LAMB4: variants seen among roughly 807,000 people sequenced by gnomAD.
The protein encoded by LAMB4 is laminin subunit beta 4, also known as laminin subunit beta-4.
LAMB4 carries 196 observed loss-of-function variants against 199.2 expected under a neutral mutation model. That is an observed-to-expected ratio of 0.98 (90% CI 0.88 to 1.11). The LOEUF is 1.11. Among genes scored for constraint, LAMB4 ranks in the 50% least tolerant of loss-of-function variants. The pLI is 0.00. For synonymous variants in LAMB4, 744 were observed against 770.6 expected (o/e 0.97, Z 0.57); for missense variants, 2,080 against 2,171.2 (o/e 0.96, Z 0.83).
chr7:108,111,670 T>TA lies in LAMB4; in HGVS notation c.328+140dup. 1.1e-5 allele frequency: 7 copies of TA among 641,442 alleles called. No individual in the cohort carries two copies. The South Asian group carries it at 1.6e-4, about 14-fold the overall frequency. The allele number at this position is 641,442 out of a possible 1,614,324, so 39.7% of individuals were successfully genotyped here. On this transcript the variant is annotated intron_variant, in intron 4 of 33. Coordinates refer to ENST00000388781, the MANE Select transcript of LAMB4 (RefSeq NM_007356.3). The stretch of plus-strand genomic sequence containing the variant: ...AAAATGAAAATAAATTGTATTCTTA[T>TA]ATGGGTCTCTACATTCTTGGAGGAT...
intron 18 of LAMB4, 83 bp downstream of exon 18, chr7:108,069,625 G>T (rs1413727449): frequency 3.8e-6 from 5 of 1,303,572 alleles, no homozygotes. Flanking sequence ...GTTTGGAGTG[G>T]ATGCTAACAT....
chr7:108,020,470 C>CAAAAAAA (rs57432162), downstream of LAMB4, among the ~76,000 whole-genome samples: 4 of 62,916 alleles, frequency 6.4e-5, no homozygotes, highest in Admixed American at 1.8e-4. Context: ...GACTCCATCT[C>CAAAAAAA]AAAAAAAAAA....
intron 10 of LAMB4, among the ~76,000 whole-genome samples, chr7:108,100,948 G>A (rs2037794231): frequency 6.6e-6 from 1 of 152,120 alleles, no homozygotes; most frequent in African/African-American, 2.4e-5. Context: ...TGAGTAATCC[G>A]AGCTAAAACA....
intron 2 of LAMB4, among the ~76,000 whole-genome samples, chr7:108,119,615 G>A (rs944214134): frequency 6.6e-6 from 1 of 152,136 alleles, no homozygotes; most frequent in East Asian, 1.9e-4. Context: ...GGAAGGCAGA[G>A]GGGGAGGGAG....
At chr7:108,091,854 T>C in intron 13 of LAMB4, 78 bp from the exon 14 acceptor site, 1 of 1,422,002 alleles carries the variant, frequency 7.0e-7, no homozygotes, top group Non-Finnish European at 9.7e-7. Context: ...GCTGGGCTAA[T>C]GCTCCCTGAG....
At chr7:108,024,739 A>ATCCATCCATCCATCCATCCATCCG (rs1326505021) in intron 33 of LAMB4, among the ~76,000 whole-genome samples, 1 of 151,896 alleles carries the variant, frequency 6.6e-6, no homozygotes, top group African/African-American at 2.4e-5. Flanking sequence ...CCATCCATCC[A>ATCCATCCATCCATCCATCCATCCG]TCCGTCCGTC....
intron 27 of LAMB4, among the ~76,000 whole-genome samples, chr7:108,048,880 G>A (rs1384503040): frequency 6.6e-6 from 1 of 151,466 alleles, no homozygotes; most frequent in African/African-American, 2.4e-5. Flanking sequence ...TTGTAGAGAC[G>A]GGGTTTCACC....
chr7:108,067,785 C>A (rs2036392805), intron 19 of LAMB4, among the ~76,000 whole-genome samples: 1 of 152,208 alleles, frequency 6.6e-6, no homozygotes, highest in Non-Finnish European at 1.5e-5. Flanking sequence ...ATGCCTTGTT[C>A]ATTACTCTCG....
chr7:108,080,428 T>C (rs9691507), intron 14 of LAMB4, among the ~76,000 whole-genome samples: 2,417 of 152,308 alleles, frequency 0.016, 60 homozygotes, highest in African/African-American at 0.054. Flanking sequence ...ATTCCTCTTC[T>C]TGTTACTTTT....
In LAMB4 at chr7:108,103,078, C is replaced by A. The variant is rs757765055; in HGVS notation, c.1146G>T (p.Pro382=). 6.2e-7 allele frequency: 1 copy of A among 1,609,172 alleles called. No individual in the cohort carries two copies. Among genetic ancestry groups the A allele is most frequent in the Non-Finnish European group, 8.5e-7 (1 of 1,176,424 alleles). ...CGTAGGGATCTGAGATGGTCTTGAG[C>A]GGGTCCCTGTAGAAGAGGGGTCTGC... The part of the protein sequence containing the change: ...DRCRPLFYRD[P]LKTISDPYAC... Residue 382 remains proline, a synonymous_variant, in exon 10 of 34, where the codon CCG becomes CCT. Transcript: ENST00000388781.
rs145383056 is a variant in LAMB4 at position 108,043,844 on chromosome 7, A to T, written c.4379T>A (p.Leu1460Gln). The change falls in exon 29 of 34, where the codon CTG becomes CAG. Residue 1460 changes from leucine (L) to glutamine (Q), a missense_variant. Transcript: ENST00000388781. ...TCTTATATTTCCCAGTTTTTCCCTC[A>T]GCTGTAAGGCATTGTTTTTGGAGAC... is the stretch of plus-strand genomic sequence containing the variant. ...AEVSKNNALQ[L>Q]REKLGNIRNQ... 3 of 1,609,486 alleles carry T rather than the reference A, an allele frequency of 1.9e-6. No individual in the cohort carries two copies. Among genetic ancestry groups the T allele is most frequent in the Non-Finnish European group, 2.5e-6 (3 of 1,178,090 alleles).
chr7:108,024,554 A>G (rs1030395741), intron 33 of LAMB4, among the ~76,000 whole-genome samples: 7 of 152,240 alleles, frequency 4.6e-5, no homozygotes, highest in Non-Finnish European at 7.4e-5. Flanking sequence ...GTGTTTTCCA[A>G]TCTTTCAGAA....
chr7:108,083,317 G>A (rs1408066650), intron 14 of LAMB4, among the ~76,000 whole-genome samples: 3 of 152,160 alleles, frequency 2.0e-5, no homozygotes, highest in African/African-American at 7.2e-5. Context: ...TATATTCTAT[G>A]AAATACCACA....
At chr7:108,033,541 T>C (rs2528695) in intron 31 of LAMB4, among the ~76,000 whole-genome samples, 64,326 of 151,852 alleles carry the variant, frequency 0.42, 16,786 homozygotes, top group African/African-American at 0.75. Context: ...TCCAAGTAGC[T>C]GGGATTATAG....
Position 108,105,915 on chromosome 7 carries a change from C to T in LAMB4, c.772G>A (p.Glu258Lys), listed in dbSNP as rs759601796. ...SLDKYYYALY[E>K]MIVRGSCFCN... ...AAGCAGCTTCCCCGAACAATCATCT[C>T]GTACAGAGCATAGTAGTATTTATCA... The change falls in exon 8 of 34, where the codon GAG becomes AAG. Residue 258 changes from glutamate to lysine, a missense_variant. Coordinates refer to ENST00000388781, the MANE Select transcript of LAMB4 (RefSeq NM_007356.3). 16 of 1,614,104 alleles carry T rather than the reference C, an allele frequency of 9.9e-6. No individual in the cohort carries two copies. The highest frequency in any genetic ancestry group is 2.2e-5 in the East Asian group (1 of 44,896).
intron 1 of LAMB4, among the ~76,000 whole-genome samples, chr7:108,129,702 T>C (rs1324610401): frequency 6.6e-6 from 1 of 152,036 alleles, no homozygotes; most frequent in East Asian, 1.9e-4. Context: ...TACGGCTGTA[T>C]AGTTTTTACA....
rs951404569 is a variant in LAMB4, at chr7:108,037,613, G to C, written c.4472-18C>G. The stretch of plus-strand genomic sequence containing the variant: ...GTTTTCCTCTTAAATAAGAAGCAGG[G>C]TTTTAGGTAATCATGTCTCCTTAAC... On this transcript the variant is annotated intron_variant, in intron 29 of 33. Transcript: ENST00000388781. 2 of 1,591,334 alleles carry C rather than the reference G, an allele frequency of 1.3e-6. No homozygotes were observed. The highest frequency in any genetic ancestry group is 1.7e-6 in the Non-Finnish European group (2 of 1,159,966).
At chr7:108,128,160 A>G (rs981325130) in intron 1 of LAMB4, among the ~76,000 whole-genome samples, 1 of 152,118 alleles carries the variant, frequency 6.6e-6, no homozygotes, top group Non-Finnish European at 1.5e-5. Flanking sequence ...AAAATGCTGT[A>G]TGAACTGCAT....
At chr7:108,059,130 G>A (rs544136454) in intron 23 of LAMB4, among the ~76,000 whole-genome samples, 120 of 129,138 alleles carry the variant, frequency 9.3e-4, no homozygotes, top group Middle Eastern at 4.7e-3. Flanking sequence ...TTTTGAGATG[G>A]AGTCTTGCTC....
Sources: gnomAD v4.1 joint callset for allele counts (sites outside exome capture counted in the v4.1 genomes callset) on GRCh38, gnomAD v4.1.1 for gene constraint, MANE v1.5 for transcripts, NCBI Gene and HGNC (gene_info 2026-07-23, HGNC 2026-07-21) for gene names.